PIK3C2G: variants seen among roughly 807,000 people sequenced by gnomAD.
PIK3C2G encodes the protein phosphatidylinositol 3-kinase C2 domain-containing subunit gamma.
A neutral mutation model predicts 181.1 loss-of-function variants in PIK3C2G; 168 were observed. The observed-to-expected ratio is 0.93, with a 90% CI of 0.82 to 1.05. PIK3C2G has a LOEUF of 1.05. Ranked by LOEUF, PIK3C2G falls within the 50% of genes least tolerant of loss-of-function variation. The pLI is 0.00. For missense variants in PIK3C2G, 1,869 were observed against 1,732.8 expected, an observed-to-expected ratio of 1.08 and a Z score of -1.40; for synonymous variants, 573 against 592.2, an observed-to-expected ratio of 0.97 and a Z score of 0.47.
chr12:18,340,304 A>C (rs567512770), intron 9 of PIK3C2G, among the ~76,000 whole-genome samples: 1 of 152,220 alleles, frequency 6.6e-6, no homozygotes, highest in African/African-American at 2.4e-5. Context: ...AAAATCTCAT[A>C]ATGTTTTAAG....
chr12:18,663,852 T>A, the PIK3C2G span, among the ~76,000 whole-genome samples: 1 of 152,160 alleles, frequency 6.6e-6, no homozygotes, highest in African/African-American at 2.4e-5. Context: ...ATACATCTTA[T>A]AAGGAATTAA....
downstream of PIK3C2G, among the ~76,000 whole-genome samples, chr12:18,649,114 A>G (rs1320500246): frequency 6.6e-6 from 1 of 151,698 alleles, no homozygotes; most frequent in Non-Finnish European, 1.5e-5. Flanking sequence ...TTAGTCTATT[A>G]CTCTCCCTTT....
At chr12:18,401,231 A>C (rs1015088371) in intron 16 of PIK3C2G, among the ~76,000 whole-genome samples, 7 of 152,124 alleles carry the variant, frequency 4.6e-5, no homozygotes, top group Non-Finnish European at 7.4e-5. Flanking sequence ...TTAACTTTAA[A>C]TTATAAGCAA....
the PIK3C2G span, among the ~76,000 whole-genome samples, chr12:18,659,663 C>CTTTTTTTTTTTTTT: frequency 3.0e-5 from 4 of 133,764 alleles, no homozygotes; most frequent in Non-Finnish European, 3.2e-5. Context: ...GTTCTCCATT[C>CTTTTTTTTTTTTTT]TTTTTTTTTT....
chr12:18,650,716 A>ATC (rs1565602679), downstream of PIK3C2G, among the ~76,000 whole-genome samples: 12 of 4,732 alleles, frequency 2.5e-3, no homozygotes, highest in South Asian at 0.011. Flanking sequence ...ATATATCTAT[A>ATC]TATATATATA....
At chr12:18,652,081 G>A (rs1342676108), downstream of PIK3C2G, among the ~76,000 whole-genome samples, 4 of 152,166 alleles carry the variant, frequency 2.6e-5, no homozygotes, top group African/African-American at 9.7e-5. Flanking sequence ...GATAATCTGA[G>A]TATTATGGAC....
chr12:18,275,128 T>C (rs2137077797), intron 1 of PIK3C2G, among the ~76,000 whole-genome samples: 1 of 152,288 alleles, frequency 6.6e-6, no homozygotes, highest in Non-Finnish European at 1.5e-5. Flanking sequence ...TGAAGTCAGT[T>C]TATGTCCTTG....
At chr12:18,575,328 G>A (rs1027309416) in intron 29 of PIK3C2G, among the ~76,000 whole-genome samples, 1 of 152,112 alleles carries the variant, frequency 6.6e-6, no homozygotes, top group Non-Finnish European at 1.5e-5. Context: ...TAAGAGGTGG[G>A]ACCCAGCAAT....
At chr12:18,691,346 G>T in the PIK3C2G span, among the ~76,000 whole-genome samples, 1 of 152,076 alleles carries the variant, frequency 6.6e-6, no homozygotes, top group African/African-American at 2.4e-5. Context: ...GATTAAGGAG[G>T]TAAGGATGCT....
intron 11 of PIK3C2G, among the ~76,000 whole-genome samples, chr12:18,361,944 G>A (rs1382191795): frequency 6.6e-6 from 1 of 151,946 alleles, no homozygotes; most frequent in African/African-American, 2.4e-5. Context: ...TGTACCATAG[G>A]ACCTCTGGAA....
At chr12:18,526,020 A>C (rs1292317566) in intron 24 of PIK3C2G, among the ~76,000 whole-genome samples, 1 of 152,196 alleles carries the variant, frequency 6.6e-6, no homozygotes, top group Non-Finnish European at 1.5e-5. Flanking sequence ...TGTGTTTATA[A>C]TCATTTTGAT....
At chr12:18,513,686 T>C (rs954929931) in intron 24 of PIK3C2G, among the ~76,000 whole-genome samples, 1 of 151,782 alleles carries the variant, frequency 6.6e-6, no homozygotes, top group Non-Finnish European at 1.5e-5. Flanking sequence ...GTCTTTCTTT[T>C]TTTCCTAGTT....
chr12:18,542,473 CA>C (rs1944209780), intron 25 of PIK3C2G, among the ~76,000 whole-genome samples: 1 of 151,758 alleles, frequency 6.6e-6, no homozygotes, highest in African/African-American at 2.4e-5. Flanking sequence ...ACTTCTGTCA[CA>C]GGGATTTGAT....
chr12:18,451,797 C>T (rs757649624), intron 18 of PIK3C2G, among the ~76,000 whole-genome samples: 6 of 152,122 alleles, frequency 3.9e-5, no homozygotes, highest in Non-Finnish European at 8.8e-5. Context: ...TGAATTTTAT[C>T]GAAGGCCTTT....
intron 18 of PIK3C2G, among the ~76,000 whole-genome samples, chr12:18,427,848 G>T (rs909175013): frequency 6.6e-6 from 1 of 151,966 alleles, no homozygotes; most frequent in African/African-American, 2.4e-5. Context: ...GAATAGAAAA[G>T]AATATAAATT....
chr12:18,693,720 A>C, the PIK3C2G span: 15 of 1,550,928 alleles, frequency 9.7e-6, no homozygotes, highest in African/African-American at 1.5e-4. Context: ...CTGCTGAACC[A>C]GTTGGATGGA....
intron 29 of PIK3C2G, among the ~76,000 whole-genome samples, chr12:18,570,947 G>A (rs1012863961): frequency 6.6e-6 from 1 of 150,746 alleles, no homozygotes; most frequent in Non-Finnish European, 1.5e-5. Context: ...CACGGCAAAG[G>A]AAAATTATAG....
At chr12:18,712,102 T>A in the PIK3C2G span, among the ~76,000 whole-genome samples, 5 of 152,166 alleles carry the variant, frequency 3.3e-5, no homozygotes, top group Non-Finnish European at 7.4e-5. Context: ...ACAGTTTTAG[T>A]ACGTAGTAAG....
intron 16 of PIK3C2G, among the ~76,000 whole-genome samples, chr12:18,400,328 A>G (rs904729455): frequency 6.6e-6 from 1 of 152,252 alleles, no homozygotes. Context: ...AATCAAATGC[A>G]TGGAGCACCA....
Sources: gnomAD v4.1 joint callset for allele counts (sites outside exome capture counted in the v4.1 genomes callset) on GRCh38, gnomAD v4.1.1 for gene constraint, MANE v1.5 for transcripts, NCBI Gene and HGNC (gene_info 2026-07-23, HGNC 2026-07-21) for gene names.